Variants in TNNT2 observed in about 807,000 individuals in gnomAD.
TNNT2 encodes the protein troponin T, cardiac muscle.
In TNNT2, 34 loss-of-function variants were observed where a neutral mutation model predicts 62.4. The observed-to-expected ratio is 0.54, with a 90% CI of 0.41 to 0.72. TNNT2 has a LOEUF of 0.72. Among genes scored for constraint, TNNT2 ranks in the 30% least tolerant of loss-of-function variants. The pLI is 0.00. For synonymous variants in TNNT2, 123 were observed against 127.2 expected, an observed-to-expected ratio of 0.97 and a Z score of 0.22; for missense variants, 275 against 381.9, an observed-to-expected ratio of 0.72 and a Z score of 2.33.
intron 16 of TNNT2, 77 bp from the exon 17 acceptor site, chr1:201,359,332 G>A: frequency 6.5e-7 from 1 of 1,543,684 alleles, no homozygotes; most frequent in Non-Finnish European, 8.8e-7. Flanking sequence ...GGTAGGACTG[G>A]GGTGCCAAAG....
chr1:201,360,079 G>T (rs555656046), intron 15 of TNNT2, among the ~76,000 whole-genome samples: 1 of 152,300 alleles, frequency 6.6e-6, no homozygotes, highest in Admixed American at 6.5e-5. Flanking sequence ...GCATCCCCAT[G>T]CACCACCCCT....
At position 201,363,337 on chromosome 1, in the gene TNNT2, CCTT is replaced by C. The variant is rs1558225172; in HGVS notation, c.556_558del (p.Lys186del). The C allele has an allele frequency of 2.5e-6, 4 of 1,614,088 alleles. No homozygotes were observed. The highest frequency in any genetic ancestry group is 1.6e-4 in the Middle Eastern group (1 of 6,084). The stretch of plus-strand genomic sequence containing the variant: ...CCAAAATGCATCATGTTGGACAAAG[CCTT>C]CTTCTTCCGGGCCTCATCCTCAGCC... On this transcript the variant is annotated inframe_deletion, in exon 12 of 17. Transcript: ENST00000656932.
intron 14 of TNNT2, 61 bp downstream of exon 14, chr1:201,361,852 G>C: frequency 1.3e-6 from 2 of 1,506,150 alleles, no homozygotes; most frequent in Non-Finnish European, 1.8e-6. Context: ...AGTGCCCTTG[G>C]CCCGACCCCT....
chr1:201,363,167 A>T (rs1659015095), intron 12 of TNNT2, 129 bp downstream of exon 12: 1 of 1,585,104 alleles, frequency 6.3e-7, no homozygotes, highest in Admixed American at 1.7e-5. Context: ...AGGAGACCTC[A>T]GTCTTCCACC....
chr1:201,364,927 C>T (rs1659383482), intron 10 of TNNT2, among the ~76,000 whole-genome samples: 1 of 152,074 alleles, frequency 6.6e-6, no homozygotes, highest in African/African-American at 2.4e-5. Context: ...TGAATTAGGC[C>T]CTGGGGGAGG....
rs951703637 is a variant in TNNT2 at position 201,368,840 on chromosome 1, A to G, written c.98-613T>C. 3.1e-4 allele frequency among the ~76,000 whole-genome samples: 47 copies of G among 152,254 alleles called. 1 individual carries two copies. Among genetic ancestry groups the G allele is most frequent in the African/African-American group, 1.1e-3 (47 of 41,544 alleles). On this transcript the variant is annotated intron_variant, in intron 5 of 16. Transcript: ENST00000656932. ...TTCTGTGATGCCTGTTCACTGATGC[A>G]CTGGGAAGTGGGTGCCTCTTGGCAG...
chr1:201,364,446 C>T, intron 10 of TNNT2, 71 bp from the exon 11 acceptor site: 1 of 1,500,698 alleles, frequency 6.7e-7, no homozygotes, highest in East Asian at 2.3e-5. Flanking sequence ...CAGAAACCTG[C>T]ATGGGGTGGC....
chr1:201,374,657 C>T (rs572202304), intron 1 of TNNT2: 1 of 152,318 alleles, frequency 6.6e-6, no homozygotes, highest in African/African-American at 2.4e-5. Flanking sequence ...CATCTCAGCT[C>T]TCTTTGCTGT....
intron 1 of TNNT2, among the ~76,000 whole-genome samples, chr1:201,377,003 G>A (rs529648006): frequency 5.3e-5 from 8 of 152,326 alleles, no homozygotes; most frequent in African/African-American, 1.4e-4. Context: ...CTGAGTCAGC[G>A]GCATCAAATG....
intron 14 of TNNT2, 114 bp from the exon 15 acceptor site, chr1:201,361,483 C>T: frequency 9.7e-7 from 1 of 1,030,666 alleles, no homozygotes; most frequent in Middle Eastern, 2.5e-4. Context: ...ACCTCCAGGC[C>T]TGCCAAGGGT....
In TNNT2 at chr1:201,368,173, GT is replaced by G. The variant is rs1200127604; in HGVS notation, c.151del (p.Thr51ProfsTer59). On this transcript the variant is annotated frameshift_variant, in exon 6 of 17. Coordinates refer to ENST00000656932, the MANE Select transcript of TNNT2 (RefSeq NM_001276345.2). LOFTEE classifies it high-confidence loss of function. ...AACCAGAGACTTACCTTCTGCCCTGGTCTCCTCGGTCTCAGCCTCTGCTTCA... is the reference window on the plus strand; with the variant it reads ...AACCAGAGACTTACCTTCTGCCCTGGCTCCTCGGTCTCAGCCTCTGCTTCA... ...DAEAEAETEETRAEEDEEEEE... is the reference protein window; with the variant it reads ...DAEAEAETEEXRAEEDEEEEE... 3.1e-6 allele frequency: 5 copies of G among 1,614,082 alleles called. No homozygotes were observed. The highest frequency in any genetic ancestry group is 4.2e-6 in the Non-Finnish European group (5 of 1,180,016).
rs1000881331 is a variant in TNNT2 at position 201,366,137 on chromosome 1, G to A, written c.234-467C>T. On this transcript the variant is annotated intron_variant, in intron 8 of 16. Transcript: ENST00000656932. The stretch of plus-strand genomic sequence containing the variant: ...CCCAGGGGGTTCTCTGATTCTTCAT[G>A]TCCCCATCTGCCCTCAGGTGTGTGG... 5 of 1,076,526 alleles carry A rather than the reference G, an allele frequency of 4.6e-6. No homozygotes were observed. In the African/African-American group the frequency reaches 8.2e-5, roughly 18 times the overall value. The allele number at this position is 1,076,526 out of a possible 1,614,324, so 66.7% of individuals were successfully genotyped here.
chr1:201,361,454 C>A (rs1658617660), intron 14 of TNNT2, 85 bp from the exon 15 acceptor site: 1 of 1,275,328 alleles, frequency 7.8e-7, no homozygotes. Context: ...CAGCCCCCAG[C>A]ATCCCAGCCC....
At chr1:201,367,258 T>C (rs10800775) in intron 7 of TNNT2, 331,364 of 401,356 alleles carry the variant, frequency 0.83, 137,365 homozygotes, top group South Asian at 0.88. Context: ...TTGTTACCCC[T>C]TGGACTTCCC....
At chr1:201,377,083 G>A (rs2102338580) in intron 1 of TNNT2, among the ~76,000 whole-genome samples, 1 of 152,298 alleles carries the variant, frequency 6.6e-6, no homozygotes, top group South Asian at 2.1e-4. Flanking sequence ...AGTACTTCCA[G>A]GACAGTTTCT....
chr1:201,362,539 G>C, intron 12 of TNNT2, 145 bp from the exon 13 acceptor site: 1 of 1,034,778 alleles, frequency 9.7e-7, no homozygotes, highest in East Asian at 2.6e-5. Flanking sequence ...GGGTTTACTA[G>C]GACGTGGGTC....
intron 5 of TNNT2, chr1:201,369,413 C>CA (rs1250227115): frequency 4.2e-6 from 2 of 477,230 alleles, no homozygotes; most frequent in Admixed American, 4.7e-5. Flanking sequence ...AACACCTGGC[C>CA]ACCCTGCTTG....
chr1:201,367,661 C>G (rs1659898443), intron 7 of TNNT2, 110 bp downstream of exon 7: 1 of 1,244,228 alleles, frequency 8.0e-7, no homozygotes, highest in Admixed American at 1.7e-5. Flanking sequence ...TCTCCCAAAC[C>G]CTCTCAGTGC....
At chr1:201,369,684 G>A (rs1660301104) in intron 5 of TNNT2, 132 bp downstream of exon 5, 1 of 1,089,686 alleles carries the variant, frequency 9.2e-7, no homozygotes. Flanking sequence ...GGCAGGGGAG[G>A]AAACGACTGA....
Sources: gnomAD v4.1 joint callset for allele counts (sites outside exome capture counted in the v4.1 genomes callset) on GRCh38, gnomAD v4.1.1 for gene constraint, MANE v1.5 for transcripts, NCBI Gene and HGNC (gene_info 2026-07-23, HGNC 2026-07-21) for gene names.